The following MID1 variants were observed in gnomAD, a reference collection of about 807,000 sequenced individuals.
MID1 encodes E3 ubiquitin-protein ligase Midline-1.
MID1 carries 7 observed loss-of-function variants against 40.4 expected under a neutral mutation model. That is an observed-to-expected ratio of 0.17 (90% confidence interval 0.10 to 0.33). The LOEUF (loss-of-function observed/expected upper bound fraction) is 0.33. MID1 is among the 10% of genes least tolerant of loss of function. MID1 has a pLI of 1.00. For synonymous variants in MID1, 229 were observed against 221.2 expected (o/e 1.04, Z -0.31); for missense variants, 367 against 558.5 (o/e 0.66, Z 3.46).
intron 3 of MID1, among the ~76,000 whole-genome samples, chrX:10,496,725 G>C (rs1239571838): frequency 8.9e-6 from 1 of 112,020 alleles, no homozygotes; most frequent in African/African-American, 3.2e-5. Flanking sequence ...TGGAAGTAGG[G>C]TCATGAGTTC....
intron 1 of MID1, among the ~76,000 whole-genome samples, chrX:10,824,862 C>A (rs1019788176): frequency 1.8e-5 from 2 of 110,793 alleles, no homozygotes; most frequent in African/African-American, 3.3e-5. Flanking sequence ...ACAGTAAAAT[C>A]TTAAATATGC....
intron 2 of MID1, chrX:10,565,270 C>T (rs1483727223): frequency 6.1e-6 from 2 of 329,720 alleles, no homozygotes; most frequent in East Asian, 2.0e-4. Flanking sequence ...TCTTTGGATA[C>T]TTGAAGTGAA....
chrX:10,547,675 A>AAAAAG lies in MID1; in HGVS notation c.660+19208_660+19212dup, dbSNP rs747177760. On this transcript the variant is annotated intron_variant, in intron 2 of 9. Coordinates refer to ENST00000317552, the MANE Select transcript of MID1 (RefSeq NM_000381.4). Reference sequence around the variant, plus strand: ...GAAAAGAAAAGAAAAAAAGAAAAGAAAAAAGAAAAGAAAAGAAAAGAAAAA... The same window carrying AAAAAG: ...GAAAAGAAAAGAAAAAAAGAAAAGAAAAAAGAAAAGAAAAGAAAAGAAAAGAAAAA... 3.8e-3 allele frequency among the ~76,000 whole-genome samples: 422 copies of AAAAAG among 110,609 alleles called. 1 individual carries two copies. The highest frequency in any genetic ancestry group is 0.011 in the African/African-American group (340 of 30,486).
chrX:10,506,313 G>A, intron 3 of MID1: 3 of 1,063,288 alleles, frequency 2.8e-6, no homozygotes, highest in Non-Finnish European at 3.6e-6. Context: ...TCCCCAAGAA[G>A]GATATGAGAC....
intron 1 of MID1, among the ~76,000 whole-genome samples, chrX:10,741,311 A>G (rs73480997): frequency 0.061 from 6,789 of 110,827 alleles, 534 homozygotes; most frequent in African/African-American, 0.21. Context: ...AAATTCTGGA[A>G]ATGTTTTAGG....
chrX:10,494,449 G>A (rs1001183262), intron 4 of MID1, among the ~76,000 whole-genome samples: 5 of 110,858 alleles, frequency 4.5e-5, no homozygotes, highest in African/African-American at 1.6e-4. Flanking sequence ...ATAAATAAAC[G>A]CTTCTATTTT....
chrX:10,602,024 A>G (rs1206853316), intron 1 of MID1, among the ~76,000 whole-genome samples: 1 of 107,403 alleles, frequency 9.3e-6, no homozygotes. Flanking sequence ...CAGCCTCCCG[A>G]GTAGCTGGGA....
At chrX:10,786,194 T>G (rs1212107030) in intron 1 of MID1, among the ~76,000 whole-genome samples, 11 of 111,485 alleles carry the variant, frequency 9.9e-5, no homozygotes, top group East Asian at 2.8e-4. Context: ...AGACATTTAT[T>G]CAGCCAAAAG....
At chrX:10,639,850 G>A (rs759584119) in intron 1 of MID1, among the ~76,000 whole-genome samples, 1 of 111,995 alleles carries the variant, frequency 8.9e-6, no homozygotes, top group Non-Finnish European at 1.9e-5. Flanking sequence ...AAGGGAGTGA[G>A]GGCCAATATT....
intron 2 of MID1, among the ~76,000 whole-genome samples, chrX:10,541,172 TC>T (rs1933454835): frequency 8.9e-6 from 1 of 112,016 alleles, no homozygotes; most frequent in Non-Finnish European, 1.9e-5. Context: ...CACAATTCTC[TC>T]CCATACATGA....
intron 8 of MID1, among the ~76,000 whole-genome samples, chrX:10,458,248 T>C (rs1928803507): frequency 8.9e-6 from 1 of 112,257 alleles, no homozygotes; most frequent in Non-Finnish European, 1.9e-5. Context: ...TGTAAAGAAA[T>C]ATATCATCAT....
At position 10,709,511 on chromosome X, in the gene MID1, A is replaced by G. The variant is rs1447817709; in HGVS notation, c.-186-89092T>C. On this transcript the variant is annotated intron_variant, in intron 1 of 10. Transcript: ENST00000380785. ...GCCCTTTCTGGCTCATTTGTCTAAGAAAGAATTTGGTGACTTGACAAGTTT... is the reference window on the plus strand; with the variant it reads ...GCCCTTTCTGGCTCATTTGTCTAAGGAAGAATTTGGTGACTTGACAAGTTT... Among the ~76,000 whole-genome samples, 4 of 112,072 alleles carry G rather than the reference A, an allele frequency of 3.6e-5. No homozygotes were observed. In the East Asian group the frequency reaches 1.1e-3, roughly 31 times the overall value.
intron 1 of MID1, among the ~76,000 whole-genome samples, chrX:10,642,054 A>C (rs935374093): frequency 3.6e-5 from 4 of 111,468 alleles, no homozygotes; most frequent in African/African-American, 1.3e-4. Context: ...ACTTACAGCC[A>C]ATATCATACT....
At chrX:10,663,259 A>G (rs1008711522) in intron 1 of MID1, among the ~76,000 whole-genome samples, 3 of 110,998 alleles carry the variant, frequency 2.7e-5, no homozygotes, top group Non-Finnish European at 5.7e-5. Context: ...AATAAAAGAA[A>G]TGCTGTGCCC....
intron 2 of MID1, among the ~76,000 whole-genome samples, chrX:10,556,130 G>T (rs974086801): frequency 1.8e-5 from 2 of 110,137 alleles, no homozygotes; most frequent in African/African-American, 3.3e-5. Flanking sequence ...CCCTGAGCTC[G>T]TCTGACTAGT....
intron 1 of MID1, among the ~76,000 whole-genome samples, chrX:10,765,751 T>C (rs1430935425): frequency 9.1e-6 from 1 of 110,412 alleles, no homozygotes; most frequent in Non-Finnish European, 1.9e-5. Context: ...CAATACCATA[T>C]GAAAATAAAC....
chrX:10,747,037 G>T (rs1469167006), intron 1 of MID1, among the ~76,000 whole-genome samples: 1 of 111,226 alleles, frequency 9.0e-6, no homozygotes, highest in African/African-American at 3.3e-5. Flanking sequence ...AAATGGCTTG[G>T]GAGAGAGTCG....
Position 10,449,057 on chromosome X carries a change from A to G in MID1, c.*311T>C. On this transcript the variant is annotated 3_prime_UTR_variant, in exon 10 of 10. Coordinates refer to ENST00000317552, the MANE Select transcript of MID1 (RefSeq NM_000381.4). Reference sequence around the variant, plus strand: ...GAAATGAAGGTTGTAAATAGCTGATAAACTTATGGGCCTCTTAATGTGCAA... The same window carrying G: ...GAAATGAAGGTTGTAAATAGCTGATGAACTTATGGGCCTCTTAATGTGCAA... 8.4e-6 allele frequency: 2 copies of G among 239,438 alleles called. No individual in the cohort carries two copies. The highest frequency in any genetic ancestry group is 1.5e-5 in the Non-Finnish European group (2 of 133,973). The allele number at this position is 239,438 out of a possible 1,213,427, so 19.7% of individuals were successfully genotyped here.
At chrX:10,684,377 TTTTC>T (rs760561518) in intron 1 of MID1, among the ~76,000 whole-genome samples, 55 of 108,008 alleles carry the variant, frequency 5.1e-4, no homozygotes, top group East Asian at 2.0e-3. Flanking sequence ...CTCTCTTTTC[TTTTC>T]TTTCTTTCTT....
Sources: gnomAD v4.1 joint callset for allele counts (sites outside exome capture counted in the v4.1 genomes callset) on GRCh38, gnomAD v4.1.1 for gene constraint, MANE v1.5 for transcripts, NCBI Gene and HGNC (gene_info 2026-07-23, HGNC 2026-07-21) for gene names.